The following TNRC6A variants were observed in gnomAD, a reference collection of about 807,000 sequenced individuals.
TNRC6A encodes the protein trinucleotide repeat containing adaptor 6A.
Under a neutral mutation model 221.2 loss-of-function variants are expected in TNRC6A, and 44 were observed. That is an observed-to-expected ratio of 0.20 (90% CI 0.16 to 0.26). The LOEUF is 0.26. Among genes scored for constraint, TNRC6A ranks in the 10% least tolerant of loss-of-function variants. The pLI is 1.00. For missense variants in TNRC6A, 2,199 were observed against 2,404.4 expected (o/e 0.91, Z 1.79); for synonymous variants, 847 against 838.5 (o/e 1.01, Z -0.18).
chr16:24,640,424 AG>A (rs912496455), intron 1 of TNRC6A, among the ~76,000 whole-genome samples: 19 of 150,980 alleles, frequency 1.3e-4, no homozygotes, highest in African/African-American at 4.6e-4. Context: ...AAAAAAAAAA[AG>A]GAAGAAAAAG....
chr16:24,733,979 C>A (rs2056704347), intron 2 of TNRC6A, among the ~76,000 whole-genome samples: 1 of 152,118 alleles, frequency 6.6e-6, no homozygotes, highest in Non-Finnish European at 1.5e-5. Flanking sequence ...TGAGACCAGC[C>A]TGTGCAACAT....
At chr16:24,755,935 AAAAT>A (rs2057240894) in intron 3 of TNRC6A, among the ~76,000 whole-genome samples, 4 of 152,230 alleles carry the variant, frequency 2.6e-5, no homozygotes, top group Admixed American at 1.3e-4. Context: ...TTTTTCAAAA[AAAAT>A]CTTTCACATT....
At chr16:24,797,860 TTTG>T in intron 10 of TNRC6A, 52 bp from the exon 11 acceptor site, 2 of 1,475,378 alleles carry the variant, frequency 1.4e-6, no homozygotes. Flanking sequence ...TCATTTTTTA[TTTG>T]TTTTCATTGA....
intron 18 of TNRC6A, among the ~76,000 whole-genome samples, chr16:24,814,604 A>G (rs778509226): frequency 1.3e-5 from 2 of 151,572 alleles, no homozygotes; most frequent in Non-Finnish European, 2.9e-5. Flanking sequence ...TAGTAGAGAC[A>G]GGGTTTCACC....
intron 3 of TNRC6A, 59 bp from the exon 4 acceptor site, chr16:24,758,280 A>G: frequency 1.3e-6 from 2 of 1,503,164 alleles, no homozygotes; most frequent in Admixed American, 1.7e-5. Flanking sequence ...TTATCATAAC[A>G]GTCCATTTCT....
intron 2 of TNRC6A, among the ~76,000 whole-genome samples, chr16:24,691,154 G>A (rs1008847660): frequency 6.6e-6 from 1 of 151,966 alleles, no homozygotes; most frequent in African/African-American, 2.4e-5. Context: ...GAAATATAAG[G>A]TCTTTGGAGG....
Position 24,732,481 on chromosome 16 carries a change from AC to A in TNRC6A, c.53+2184del, listed in dbSNP as rs529350677. On this transcript the variant is annotated intron_variant, in intron 2 of 24. Coordinates refer to ENST00000395799, the MANE Select transcript of TNRC6A (RefSeq NM_014494.4). ...CATGGACTCATCTGATCCTTGAAAA[AC>A]CCTGTGAGGTAGGTAGTATTGTTAT... is the stretch of plus-strand genomic sequence containing the variant. 8.5e-5 allele frequency among the ~76,000 whole-genome samples: 13 copies of A among 152,086 alleles called. No homozygotes were observed. In the East Asian group the frequency reaches 2.5e-3, roughly 29 times the overall value.
intron 15 of TNRC6A, 96 bp from the exon 16 acceptor site, chr16:24,806,110 C>A: frequency 2.2e-6 from 3 of 1,369,190 alleles, no homozygotes; most frequent in Non-Finnish European, 3.0e-6. Context: ...GGCTAGATCA[C>A]GTCGTGCCTC....
rs1390821253 is a variant in TNRC6A at position 24,791,660 on chromosome 16, A to G, written c.3018A>G (p.Ser1006=). 10 of 1,613,094 alleles carry G rather than the reference A, an allele frequency of 6.2e-6. No individual in the cohort carries two copies. Among genetic ancestry groups the G allele is most frequent in the Middle Eastern group, 1.7e-4 (1 of 6,052 alleles). The part of the protein sequence containing the change: ...RRKMEIDDGT[S]AWGDPSKYNY... ...AAATGGAGATTGATGATGGAACTTC[A>G]GCTTGGGGAGATCCAAGCAAATACA... is the stretch of plus-strand genomic sequence containing the variant. The change falls in exon 6 of 25, where the codon TCA becomes TCG. Residue 1006 remains serine (S), a synonymous_variant. Coordinates refer to ENST00000395799, the MANE Select transcript of TNRC6A (RefSeq NM_014494.4).
chr16:24,789,657 A>C lies in TNRC6A; in HGVS notation c.1015A>C (p.Asn339His). The change falls in exon 6 of 25, where the codon AAC becomes CAC. Residue 339 changes from asparagine to histidine, a missense_variant. Physicochemically the swap from Asn to His is moderately conservative, Grantham distance 68 (BLOSUM62 1). This residue lies in a region of TNRC6A where 1,405 missense variants were observed against 1,400.2 expected (regional missense o/e 1.00). Coordinates refer to ENST00000395799, the MANE Select transcript of TNRC6A (RefSeq NM_014494.4). ...DAPESKSESSNNRMNAWGTVS... is the reference protein window; with the variant it reads ...DAPESKSESSHNRMNAWGTVS... ...TCCTGAAAGCAAATCTGAAAGTAGC[A>C]ACAATAGAATGAATGCTTGGGGCAC... The C allele has an allele frequency of 6.2e-7, 1 of 1,614,194 alleles. No individual in the cohort carries two copies. Among genetic ancestry groups the C allele is most frequent in the South Asian group, 1.1e-5 (1 of 91,082 alleles).
At chr16:24,620,976 T>G (rs990718837) in intron 1 of TNRC6A, among the ~76,000 whole-genome samples, 7 of 146,168 alleles carry the variant, frequency 4.8e-5, no homozygotes, top group African/African-American at 1.8e-4. Flanking sequence ...CCCAGCTACT[T>G]GGGAGGCTGA....
At chr16:24,821,904 T>G in intron 22 of TNRC6A, 173 bp from the exon 23 acceptor site, 1 of 620,782 alleles carries the variant, frequency 1.6e-6, no homozygotes. Flanking sequence ...GCCATAGGAG[T>G]TAATGCCTGG....
At chr16:24,707,058 C>T (rs7199130) in intron 2 of TNRC6A, among the ~76,000 whole-genome samples, 38,840 of 151,554 alleles carry the variant, frequency 0.26, 8,270 homozygotes, top group East Asian at 0.72. Flanking sequence ...TGCAGTAGCA[C>T]GATCTCAACT....
At chr16:24,647,235 A>T (rs1481960739) in intron 2 of TNRC6A, among the ~76,000 whole-genome samples, 1 of 152,198 alleles carries the variant, frequency 6.6e-6, no homozygotes, top group Non-Finnish European at 1.5e-5. Context: ...CCAGCCTAAA[A>T]TATCTTTTTA....
intron 3 of TNRC6A, among the ~76,000 whole-genome samples, chr16:24,751,491 A>G (rs1032494946): frequency 9.2e-5 from 14 of 152,128 alleles, no homozygotes; most frequent in African/African-American, 3.4e-4. Context: ...AAAAATCTGT[A>G]ATTATTAAAA....
At position 24,805,018 on chromosome 16, in the gene TNRC6A, G is replaced by A. The variant is rs2058401870; in HGVS notation, c.3989G>A (p.Gly1330Asp). The A allele has an allele frequency of 1.9e-6, 3 of 1,614,080 alleles. No homozygotes were observed. The highest frequency in any genetic ancestry group is 2.5e-6 in the Non-Finnish European group (3 of 1,180,020). The stretch of plus-strand genomic sequence containing the variant: ...TGTTGCTGTTTGTTTTTATAGAATG[G>A]CAATCCCAGTATGTTTGGTGTTGGA... ...MQNLNSVRQN[G>D]NPSMFGVGNT... Residue 1330 changes from glycine to aspartate, a missense_variant, in exon 14 of 25, where the codon GGC becomes GAC. Physicochemically the swap from Gly to Asp is moderately conservative, Grantham distance 94 (BLOSUM62 -1). Transcript: ENST00000395799.
At chr16:24,618,167 C>T (rs185355068) in intron 1 of TNRC6A, among the ~76,000 whole-genome samples, 9 of 152,206 alleles carry the variant, frequency 5.9e-5, no homozygotes, top group Admixed American at 4.6e-4. Context: ...GTGATCTGCC[C>T]GCATCAGCTT....
In TNRC6A at chr16:24,789,313, A is replaced by T; in HGVS notation, c.671A>T (p.Asn224Ile). ...PVSSTSDSST[N>I]CKNAVVSDLS... ...TCTTCTACAAGTGATTCTAGCACAA[A>T]CTGTAAGAATGCTGTTGTAAGTGAC... Residue 224 changes from asparagine to isoleucine, a missense_variant, in exon 6 of 25, where the codon AAC (asparagine) becomes ATC (isoleucine). By Grantham distance (149) the Asn-to-Ile change is moderately radical (BLOSUM62 -3). Coordinates refer to ENST00000395799, the MANE Select transcript of TNRC6A (RefSeq NM_014494.4). 1 of 1,614,212 alleles carries T rather than the reference A, an allele frequency of 6.2e-7. No homozygotes were observed. The highest frequency in any genetic ancestry group is 8.5e-7 in the Non-Finnish European group (1 of 1,180,040).
chr16:24,662,526 G>A (rs1284313626), intron 2 of TNRC6A: 1 of 151,886 alleles, frequency 6.6e-6, no homozygotes, highest in African/African-American at 2.4e-5. Context: ...AATTATAGAA[G>A]AGCCTAATGA....
Sources: gnomAD v4.1 joint callset for allele counts (sites outside exome capture counted in the v4.1 genomes callset) on GRCh38, gnomAD v4.1.1 for gene constraint, gnomAD v4.1.1 regional missense constraint, MANE v1.5 for transcripts, NCBI Gene and HGNC (gene_info 2026-07-23, HGNC 2026-07-21) for gene names.